PLAC1: variants seen among roughly 807,000 people sequenced by gnomAD.
PLAC1 encodes the protein placenta associated 1.
For synonymous variants in PLAC1, 68 were observed against 62.1 expected (o/e 1.09, Z -0.44); for missense variants, 136 against 163.2 (o/e 0.83, Z 0.91).
In PLAC1 at chrX:134,700,332, G is replaced by T. The variant is rs373757557; in HGVS notation, n.174+33103C>A. Among the ~76,000 whole-genome samples, 9 of 111,917 alleles carry T rather than the reference G, an allele frequency of 8.0e-5. No homozygotes were observed. In the East Asian group the frequency reaches 2.0e-3, roughly 24 times the overall value. On this transcript the variant is annotated intron_variant and non_coding_transcript_variant, in intron 2 of 2. Coordinates refer to the PLAC1 transcript ENST00000466797. ...ATAGAAGATGCTCAATACAGTAGAAGTTCTTTTATCTAACTTCTTTACTCA... is the reference window on the plus strand; with the variant it reads ...ATAGAAGATGCTCAATACAGTAGAATTTCTTTTATCTAACTTCTTTACTCA...
intron 1 of PLAC1, among the ~76,000 whole-genome samples, chrX:134,742,135 T>C (rs1370871069): frequency 8.9e-6 from 1 of 112,515 alleles, no homozygotes; most frequent in Non-Finnish European, 1.9e-5. Context: ...AATCCAGGTA[T>C]TGAATATGTA....
intron 2 of PLAC1, among the ~76,000 whole-genome samples, chrX:134,698,948 C>T (rs1394778362): frequency 3.6e-5 from 4 of 111,338 alleles, no homozygotes; most frequent in African/African-American, 9.8e-5. Flanking sequence ...AAATAAGGCA[C>T]CAACCCGGTT....
At position 134,723,109 on chromosome X, in the gene PLAC1, A is replaced by G. The variant is rs769499785; in HGVS notation, n.174+10326T>C. On this transcript the variant is annotated intron_variant and non_coding_transcript_variant, in intron 2 of 2. Transcript: ENST00000466797. ...ATATTTAAATAAAAATTTCCTTTTCACAAGTAATAATTATTTTTAAAAAAC... is the reference window on the plus strand; with the variant it reads ...ATATTTAAATAAAAATTTCCTTTTCGCAAGTAATAATTATTTTTAAAAAAC... 1.3e-4 allele frequency among the ~76,000 whole-genome samples: 14 copies of G among 111,557 alleles called. No individual in the cohort carries two copies. In the East Asian group the frequency reaches 3.3e-3, roughly 27 times the overall value.
intron 1 of PLAC1, 63 bp downstream of exon 1, chrX:134,658,265 C>A (rs2078402135): frequency 8.9e-6 from 1 of 112,520 alleles, no homozygotes; most frequent in Non-Finnish European, 1.9e-5. Context: ...AGCTTTCACA[C>A]AGGCCATGTG....
At chrX:134,582,158 A>C (rs2077978109) in intron 2 of PLAC1, among the ~76,000 whole-genome samples, 1 of 112,397 alleles carries the variant, frequency 8.9e-6, no homozygotes, top group Non-Finnish European at 1.9e-5. Context: ...TGGAAAAAGA[A>C]ACTCTGGCAC....
At chrX:134,707,678 A>G (rs1482894762) in intron 2 of PLAC1, among the ~76,000 whole-genome samples, 2 of 112,648 alleles carry the variant, frequency 1.8e-5, no homozygotes, top group African/African-American at 6.5e-5. Flanking sequence ...ATCTTTGAGC[A>G]TCAGGAATGA....
intron 2 of PLAC1, among the ~76,000 whole-genome samples, chrX:134,669,979 T>G (rs2078450134): frequency 1.8e-5 from 2 of 111,938 alleles, no homozygotes; most frequent in South Asian, 7.5e-4. Context: ...TGAGGATGGC[T>G]CTGCATACGG....
intron 2 of PLAC1, among the ~76,000 whole-genome samples, chrX:134,675,424 G>A (rs763101948): frequency 8.9e-6 from 1 of 112,209 alleles, no homozygotes; most frequent in Non-Finnish European, 1.9e-5. Context: ...CCAGCATTTC[G>A]GGAGGCCGAG....
chrX:134,620,928 G>A (rs949823392), intron 1 of PLAC1, among the ~76,000 whole-genome samples: 2 of 111,592 alleles, frequency 1.8e-5, no homozygotes, highest in Non-Finnish European at 3.8e-5. Flanking sequence ...TAGGCACTAT[G>A]TGTAGCTAAA....
chrX:134,703,233 C>T (rs903909364), intron 2 of PLAC1, among the ~76,000 whole-genome samples: 3 of 111,493 alleles, frequency 2.7e-5, no homozygotes, highest in African/African-American at 9.8e-5. Flanking sequence ...AAAATAAATA[C>T]AAACCTAGAC....
chrX:134,694,315 C>T (rs939319159), intron 2 of PLAC1, among the ~76,000 whole-genome samples: 2 of 111,925 alleles, frequency 1.8e-5, no homozygotes, highest in African/African-American at 6.5e-5. Flanking sequence ...AGATACCCTC[C>T]AAGCTCCCTA....
At chrX:134,679,183 T>C in intron 2 of PLAC1, among the ~76,000 whole-genome samples, 1 of 111,836 alleles carries the variant, frequency 8.9e-6, no homozygotes, top group East Asian at 2.8e-4. Context: ...GTGTGCAATA[T>C]TGTCTAATGC....
chrX:134,636,672 G>T (rs2078284876), intron 1 of PLAC1, among the ~76,000 whole-genome samples: 1 of 112,195 alleles, frequency 8.9e-6, no homozygotes, highest in Non-Finnish European at 1.9e-5. Context: ...TATAGCATTT[G>T]GGTGTTCCAA....
At position 134,654,724 on chromosome X, in the gene PLAC1, G is replaced by C. The variant is rs189100072; in HGVS notation, c.-131+3604C>G. On this transcript the variant is annotated intron_variant, in intron 1 of 2. Transcript: ENST00000359237. ...AGGCCTTCTTAACACCTCCAAGAAG[G>C]CTCCTGAAGTGAAACAAAAAAGCAG... Among the ~76,000 whole-genome samples, 7 of 112,226 alleles carry C rather than the reference G, an allele frequency of 6.2e-5. No individual in the cohort carries two copies. In the East Asian group the frequency reaches 2.0e-3, roughly 31 times the overall value.
intron 1 of PLAC1, among the ~76,000 whole-genome samples, chrX:134,657,325 C>T (rs2078397120): frequency 8.9e-6 from 1 of 112,042 alleles, no homozygotes; most frequent in African/African-American, 3.2e-5. Flanking sequence ...GTCATAATGT[C>T]AAAAAATTGC....
At chrX:134,755,483 A>G (rs1166311781) in intron 1 of PLAC1, among the ~76,000 whole-genome samples, 2 of 112,156 alleles carry the variant, frequency 1.8e-5, no homozygotes, top group Non-Finnish European at 3.8e-5. Flanking sequence ...ATTACAAGTC[A>G]GATAAGTGCC....
At chrX:134,642,365 T>C (rs1305409300) in intron 1 of PLAC1, among the ~76,000 whole-genome samples, 1 of 111,888 alleles carries the variant, frequency 8.9e-6, no homozygotes, top group East Asian at 2.8e-4. Flanking sequence ...TACCAGCTTA[T>C]GGGTGGGTTG....
chrX:134,727,492 C>G (rs1211005790), intron 2 of PLAC1, among the ~76,000 whole-genome samples: 3 of 112,054 alleles, frequency 2.7e-5, no homozygotes, highest in Non-Finnish European at 5.6e-5. Flanking sequence ...TCTCTTAATG[C>G]CTGGCTTTAA....
chrX:134,579,959 G>A (rs1401380065), intron 2 of PLAC1, among the ~76,000 whole-genome samples: 7 of 111,871 alleles, frequency 6.3e-5, no homozygotes, highest in Non-Finnish European at 9.4e-5. Flanking sequence ...CTGCATTTAC[G>A]CTGGGTATAA....
Sources: allele counts gnomAD v4.1 joint callset (sites outside exome capture counted in the v4.1 genomes callset), GRCh38; gene constraint gnomAD v4.1.1; transcripts MANE v1.5; gene names NCBI Gene and HGNC (gene_info 2026-07-23, HGNC 2026-07-21).